Variants in SLC35F2 observed in about 807,000 individuals in gnomAD.
The protein encoded by SLC35F2 is solute carrier family 35 member F2, also known as queuine/queuosine transporter SLC35F2.
SLC35F2 carries 25 observed loss-of-function variants against 38.1 expected under a neutral mutation model. That is an observed-to-expected ratio of 0.66 (90% CI 0.48 to 0.92). The LOEUF (loss-of-function observed/expected upper bound fraction) is 0.92, where lower values mean the gene tolerates loss of function less well. Ranked by LOEUF, SLC35F2 falls within the 40% of genes least tolerant of loss-of-function variation. The pLI is 0.00. For missense variants in SLC35F2, 409 were observed against 452.9 expected, an observed-to-expected ratio of 0.90 and a Z score of 0.88; for synonymous variants, 173 against 181.7, an observed-to-expected ratio of 0.95 and a Z score of 0.38.
In SLC35F2 at chr11:107,805,421, C is replaced by T; in HGVS notation, c.669G>A (p.Leu223=). Reference sequence around the variant, plus strand: ...CCATTCCTAAAAACTCCTGTCTGCTCAGCTTCTTCACGATGTATTCCTCAC... The same window carrying T: ...CCATTCCTAAAAACTCCTGTCTGCTTAGCTTCTTCACGATGTATTCCTCAC... ...NVCEEYIVKK[L]SRQEFLGMVG... Residue 223 remains leucine (L), a synonymous_variant, in exon 5 of 8, where the codon CTG becomes CTA. Coordinates refer to ENST00000525815, the MANE Select transcript of SLC35F2 (RefSeq NM_017515.5). 6.2e-7 allele frequency: 1 copy of T among 1,614,140 alleles called. No homozygotes were observed. Among genetic ancestry groups the T allele is most frequent in the South Asian group, 1.1e-5 (1 of 91,082 alleles).
intron 3 of SLC35F2, 58 bp downstream of exon 3, chr11:107,811,609 C>T (rs1859480633): frequency 2.0e-6 from 3 of 1,497,874 alleles, no homozygotes; most frequent in South Asian, 2.5e-5. Flanking sequence ...ACACATATGA[C>T]TTCGTGTTCT....
chr11:107,800,966 A>G (rs12803941), intron 7 of SLC35F2, among the ~76,000 whole-genome samples: 21,503 of 145,596 alleles, frequency 0.15, 2,563 homozygotes, highest in East Asian at 0.42. Flanking sequence ...ATGCAATGGC[A>G]CAATCTTGGT....
chr11:107,846,440 A>AT lies in SLC35F2; in HGVS notation c.110+12217dup, dbSNP rs570439087. ...AATATGCCATGAAAATTTTTAAGTA[A>AT]TTTTTTTTTTCTTGGCAAAATCTCC... On this transcript the variant is annotated intron_variant, in intron 1 of 7. Coordinates refer to ENST00000525815, the MANE Select transcript of SLC35F2 (RefSeq NM_017515.5). Among the ~76,000 whole-genome samples, 1,177 of 150,736 alleles carry AT rather than the reference A, an allele frequency of 7.8e-3. 12 individuals are homozygous for AT. Among genetic ancestry groups the AT allele is most frequent in the African/African-American group, 0.027 (1,122 of 41,174 alleles).
chr11:107,808,337 T>G (rs1183096182), intron 3 of SLC35F2, among the ~76,000 whole-genome samples: 1 of 150,176 alleles, frequency 6.7e-6, no homozygotes, highest in African/African-American at 2.5e-5. Context: ...GGTCCAAAAT[T>G]GTTTGCAAGA....
chr11:107,810,963 A>G (rs1474104058), intron 3 of SLC35F2: 2 of 980,642 alleles, frequency 2.0e-6, no homozygotes, highest in Non-Finnish European at 2.4e-6. Context: ...ATTATTTAAA[A>G]AAATGAAAAA....
At chr11:107,811,143 T>C (rs568086319) in intron 3 of SLC35F2, 4 of 985,302 alleles carry the variant, frequency 4.1e-6, no homozygotes, top group Non-Finnish European at 4.8e-6. Flanking sequence ...CTTTACAAAG[T>C]TGAAAACCTC....
At chr11:107,824,641 T>C (rs1859725757) in intron 1 of SLC35F2, among the ~76,000 whole-genome samples, 1 of 152,234 alleles carries the variant, frequency 6.6e-6, no homozygotes. Context: ...TTATTAGTGT[T>C]AGGTAGTTCT....
intron 1 of SLC35F2, among the ~76,000 whole-genome samples, chr11:107,828,603 G>A (rs1045255676): frequency 6.6e-6 from 1 of 152,120 alleles, no homozygotes; most frequent in African/African-American, 2.4e-5. Context: ...TAATCAAAGA[G>A]TTGATGAAAA....
intron 1 of SLC35F2, chr11:107,823,204 C>T (rs11212389): frequency 0.037 from 36,193 of 985,180 alleles, 1,100 homozygotes; most frequent in African/African-American, 0.15. Flanking sequence ...TTAAGTCTCC[C>T]AGATGAGTCT....
At chr11:107,799,659 C>T (rs1430351041) in intron 7 of SLC35F2, among the ~76,000 whole-genome samples, 2 of 152,060 alleles carry the variant, frequency 1.3e-5, no homozygotes, top group Non-Finnish European at 2.9e-5. Context: ...GGCATGATCT[C>T]GGCTCACTGC....
At chr11:107,807,027 G>T in intron 3 of SLC35F2, 151 bp from the exon 4 acceptor site, 1 of 642,004 alleles carries the variant, frequency 1.6e-6, no homozygotes, top group Admixed American at 3.2e-5. Flanking sequence ...GCTTTACCTG[G>T]ATTCACTCAT....
At chr11:107,826,477 C>T (rs1195797048) in intron 1 of SLC35F2, among the ~76,000 whole-genome samples, 1 of 152,130 alleles carries the variant, frequency 6.6e-6, no homozygotes, top group Non-Finnish European at 1.5e-5. Context: ...CTCCTGACCT[C>T]AGGTGATCCA....
intron 1 of SLC35F2, among the ~76,000 whole-genome samples, chr11:107,857,765 C>G (rs1860316677): frequency 6.6e-6 from 1 of 152,156 alleles, no homozygotes; most frequent in Admixed American, 6.6e-5. Flanking sequence ...GGCTTGAACG[C>G]ATCACCCCTT....
At chr11:107,796,488 A>C (rs1248877266) in intron 7 of SLC35F2, among the ~76,000 whole-genome samples, 1 of 152,256 alleles carries the variant, frequency 6.6e-6, no homozygotes, top group African/African-American at 2.4e-5. Flanking sequence ...CATGGATGGA[A>C]CTAGAGGTCA....
rs200185982 is a variant in SLC35F2 at position 107,810,944 on chromosome 11, C to CT, written c.414+722dup. ...CTTCAAATCCCACATCTGATACACA[C>CT]TTTTTTTTATTATTTAAAAAAATGA... is the stretch of plus-strand genomic sequence containing the variant. On this transcript the variant is annotated intron_variant, in intron 3 of 7. Transcript: ENST00000525815. 49 of 972,054 alleles carry CT rather than the reference C, an allele frequency of 5.0e-5. No individual in the cohort carries two copies. In the East Asian group the frequency reaches 3.6e-3, roughly 70 times the overall value. The allele number at this position is 972,054 out of a possible 1,614,324, so 60.2% of individuals were successfully genotyped here.
chr11:107,825,172 G>A (rs1262488375), intron 1 of SLC35F2, among the ~76,000 whole-genome samples: 1 of 152,050 alleles, frequency 6.6e-6, no homozygotes, highest in African/African-American at 2.4e-5. Flanking sequence ...TGAATTTTTT[G>A]TTTTATTCTA....
At chr11:107,836,995 A>C (rs1176586284) in intron 1 of SLC35F2, among the ~76,000 whole-genome samples, 1 of 152,236 alleles carries the variant, frequency 6.6e-6, no homozygotes, top group Non-Finnish European at 1.5e-5. Context: ...ATTGGGAGCT[A>C]CCTTGGATTG....
In SLC35F2 at chr11:107,851,272, AAAAG is replaced by A. The variant is rs373473832; in HGVS notation, c.110+7382_110+7385del. On this transcript the variant is annotated intron_variant, in intron 1 of 7. Coordinates refer to ENST00000525815, the MANE Select transcript of SLC35F2 (RefSeq NM_017515.5). The stretch of plus-strand genomic sequence containing the variant: ...AGTGAGATGCTGTCTCAAAAAAAAA[AAAAG>A]AAAGAAAGAAACCCTGTCTTTACTA... 2.2e-3 allele frequency among the ~76,000 whole-genome samples: 327 copies of A among 151,126 alleles called. 2 individuals are homozygous for A. The highest frequency in any genetic ancestry group is 7.3e-3 in the African/African-American group (300 of 41,224).
At chr11:107,814,399 G>A (rs903291508) in intron 2 of SLC35F2, among the ~76,000 whole-genome samples, 3 of 151,360 alleles carry the variant, frequency 2.0e-5, no homozygotes, top group African/African-American at 7.3e-5. Context: ...AGATTGCAGT[G>A]AGCCAAGATC....
Sources: gnomAD v4.1 joint callset for allele counts (sites outside exome capture counted in the v4.1 genomes callset) on GRCh38, gnomAD v4.1.1 for gene constraint, MANE v1.5 for transcripts, NCBI Gene and HGNC (gene_info 2026-07-23, HGNC 2026-07-21) for gene names.